NBAS: variants seen among roughly 807,000 people sequenced by gnomAD.
The protein encoded by NBAS is NAG/BC035112 fusion.
Under a neutral mutation model 302.5 loss-of-function variants are expected in NBAS, and 219 were observed. The ratio of observed to expected loss-of-function variants is 0.72; its 90% CI spans 0.65 to 0.81. The LOEUF (loss-of-function observed/expected upper bound fraction) is 0.81. Ranked by LOEUF, NBAS falls within the 30% of genes least tolerant of loss-of-function variation. The pLI is 0.00. For missense variants in NBAS, 2,932 were observed against 2,841.6 expected (o/e 1.03, Z -0.72); for synonymous variants, 1,118 against 1,021.6 (o/e 1.09, Z -1.80).
the NBAS span, among the ~76,000 whole-genome samples, chr2:14,842,352 A>T: frequency 6.6e-6 from 1 of 151,892 alleles, no homozygotes; most frequent in Admixed American, 6.6e-5. Context: ...AATTGAGACT[A>T]AAAAATGCAG....
At chr2:15,409,367 A>C (rs765835110) in intron 25 of NBAS, among the ~76,000 whole-genome samples, 1 of 152,156 alleles carries the variant, frequency 6.6e-6, no homozygotes, top group Non-Finnish European at 1.5e-5. Flanking sequence ...CTGTCTGCTT[A>C]TTGTCATCTC....
At chr2:15,198,041 T>C (rs1198179155) in intron 48 of NBAS, among the ~76,000 whole-genome samples, 2 of 152,232 alleles carry the variant, frequency 1.3e-5, no homozygotes, top group African/African-American at 4.8e-5. Context: ...GTGAGACATA[T>C]AAAAATGAAC....
chr2:14,830,342 G>A, the NBAS span, among the ~76,000 whole-genome samples: 28 of 152,146 alleles, frequency 1.8e-4, no homozygotes, highest in African/African-American at 5.3e-4. Context: ...ACTGAGTCAC[G>A]TGCCTACACT....
the NBAS span, among the ~76,000 whole-genome samples, chr2:15,069,150 T>C: frequency 6.6e-6 from 1 of 152,188 alleles, no homozygotes; most frequent in Non-Finnish European, 1.5e-5. Context: ...TGCTACCACA[T>C]TATGGATTAA....
intron 50 of NBAS, among the ~76,000 whole-genome samples, chr2:15,181,933 T>C (rs570344486): frequency 6.6e-6 from 1 of 152,332 alleles, no homozygotes; most frequent in South Asian, 2.1e-4. Flanking sequence ...GCCCCAGGCA[T>C]TGCATGGGGG....
chr2:15,285,040 AAAG>A (rs1218076796), intron 42 of NBAS, among the ~76,000 whole-genome samples: 3 of 152,200 alleles, frequency 2.0e-5, no homozygotes, highest in African/African-American at 7.2e-5. Flanking sequence ...ACATTCAATG[AAAG>A]AAAAAAGATA....
chr2:15,068,615 A>G, the NBAS span, among the ~76,000 whole-genome samples: 5 of 152,200 alleles, frequency 3.3e-5, no homozygotes, highest in Admixed American at 2.6e-4. Context: ...GTTTTAATAA[A>G]TTATATCCAT....
At chr2:15,265,180 G>T (rs1340339684) in intron 44 of NBAS, among the ~76,000 whole-genome samples, 2 of 152,200 alleles carry the variant, frequency 1.3e-5, no homozygotes, top group Non-Finnish European at 2.9e-5. Context: ...TGCCTACATG[G>T]CTATATCAGG....
the NBAS span, among the ~76,000 whole-genome samples, chr2:14,811,171 A>G: frequency 0.41 from 61,929 of 152,000 alleles, 13,284 homozygotes; most frequent in African/African-American, 0.54. Flanking sequence ...ACTTTGGGAG[A>G]CCAAGGTGGG....
At chr2:14,897,351 C>T in the NBAS span, among the ~76,000 whole-genome samples, 1 of 152,184 alleles carries the variant, frequency 6.6e-6, no homozygotes, top group East Asian at 1.9e-4. Flanking sequence ...TTTAAATATC[C>T]ACTTTTCTCT....
At chr2:15,270,951 T>C (rs1669290658) in intron 44 of NBAS, among the ~76,000 whole-genome samples, 2 of 152,194 alleles carry the variant, frequency 1.3e-5, no homozygotes, top group Admixed American at 6.5e-5. Context: ...CAGACACTGA[T>C]TACTCATGGT....
chr2:14,863,475 C>A, the NBAS span, among the ~76,000 whole-genome samples: 1 of 152,052 alleles, frequency 6.6e-6, no homozygotes, highest in Non-Finnish European at 1.5e-5. Context: ...AGAAGAATGT[C>A]ATAAGATCAA....
intron 32 of NBAS, among the ~76,000 whole-genome samples, chr2:15,357,901 C>A (rs1192628976): frequency 2.0e-5 from 3 of 152,070 alleles, no homozygotes. Context: ...AACCACTAAC[C>A]CTGGGGCTTT....
the NBAS span, among the ~76,000 whole-genome samples, chr2:15,150,066 CAAAA>C: frequency 4.7e-5 from 3 of 64,172 alleles, no homozygotes; most frequent in Non-Finnish European, 1.1e-4. Flanking sequence ...AACCCTGTCT[CAAAA>C]AAAAAAAAAA....
intron 9 of NBAS, among the ~76,000 whole-genome samples, chr2:15,525,165 C>T (rs1662859433): frequency 6.6e-6 from 1 of 152,174 alleles, no homozygotes; most frequent in African/African-American, 2.4e-5. Context: ...TGAAGTCTTG[C>T]TCAAACTGGT....
At chr2:15,208,189 T>C (rs1050771003) in intron 48 of NBAS, among the ~76,000 whole-genome samples, 2 of 152,018 alleles carry the variant, frequency 1.3e-5, no homozygotes, top group African/African-American at 2.4e-5. Context: ...CTCACAATCA[T>C]AGTGGAAGGC....
At chr2:15,210,584 A>C (rs997660385) in intron 48 of NBAS, among the ~76,000 whole-genome samples, 14 of 152,188 alleles carry the variant, frequency 9.2e-5, no homozygotes, top group African/African-American at 3.4e-4. Flanking sequence ...AAAACTAAAA[A>C]TAGAGCTACC....
chr2:14,941,557 G>A, the NBAS span, among the ~76,000 whole-genome samples: 2 of 152,352 alleles, frequency 1.3e-5, no homozygotes, highest in East Asian at 1.9e-4. Flanking sequence ...AGGCAGAGCA[G>A]ATGGATGGTC....
intron 31 of NBAS, among the ~76,000 whole-genome samples, chr2:15,373,463 TG>T (rs1674581583): frequency 6.6e-6 from 1 of 152,166 alleles, no homozygotes; most frequent in South Asian, 2.1e-4. Context: ...CCTGAGTAGC[TG>T]GGACTACATA....
Sources: allele counts gnomAD v4.1 joint callset (sites outside exome capture counted in the v4.1 genomes callset), GRCh38; gene constraint gnomAD v4.1.1; transcripts MANE v1.5; gene names NCBI Gene and HGNC (gene_info 2026-07-23, HGNC 2026-07-21).